Variants in HECW1 observed in about 807,000 individuals in gnomAD.
HECW1 encodes HECT, C2 and WW domain containing E3 ubiquitin protein ligase 1.
HECW1 carries 61 observed loss-of-function variants against 182.3 expected under a neutral mutation model. That is an observed-to-expected ratio of 0.33 (90% confidence interval 0.27 to 0.41). The LOEUF (loss-of-function observed/expected upper bound fraction) is 0.41, where lower values mean the gene tolerates loss of function less well. Among genes scored for constraint, HECW1 ranks in the 10% least tolerant of loss-of-function variants. The pLI is 1.00. For synonymous variants in HECW1, 859 were observed against 832.6 expected, an observed-to-expected ratio of 1.03 and a Z score of -0.55; for missense variants, 1,739 against 2,108.9, an observed-to-expected ratio of 0.82 and a Z score of 3.44.
At chr7:43,479,186 T>A (rs565774165) in intron 16 of HECW1, among the ~76,000 whole-genome samples, 2 of 152,318 alleles carry the variant, frequency 1.3e-5, no homozygotes, top group South Asian at 4.2e-4. Context: ...TGATGTATAA[T>A]CAGTGGGAGC....
At chr7:43,321,417 C>T (rs775908733) in intron 5 of HECW1, among the ~76,000 whole-genome samples, 2 of 152,100 alleles carry the variant, frequency 1.3e-5, no homozygotes, top group Non-Finnish European at 2.9e-5. Flanking sequence ...GTGTATTTCT[C>T]ATTGCATGAG....
chr7:43,273,797 A>T (rs1454208497), intron 3 of HECW1, among the ~76,000 whole-genome samples: 1 of 152,210 alleles, frequency 6.6e-6, no homozygotes, highest in Non-Finnish European at 1.5e-5. Flanking sequence ...CATATTTACA[A>T]CAACGGTGGA....
chr7:43,535,121 C>T (rs992047848), intron 24 of HECW1, among the ~76,000 whole-genome samples: 7 of 152,236 alleles, frequency 4.6e-5, no homozygotes, highest in East Asian at 1.9e-4. Flanking sequence ...CTTGTGATAT[C>T]ATCCTCCACA....
chr7:43,139,075 G>T (rs73690258), intron 2 of HECW1, among the ~76,000 whole-genome samples: 7,186 of 152,150 alleles, frequency 0.047, 556 homozygotes, highest in African/African-American at 0.16. Context: ...ATTTTAATTG[G>T]TGTTCTTTTT....
intron 17 of HECW1, among the ~76,000 whole-genome samples, chr7:43,483,501 G>C (rs1458678467): frequency 6.6e-6 from 1 of 150,410 alleles, no homozygotes; most frequent in African/African-American, 2.4e-5. Context: ...CACATAGGGA[G>C]TTCAGGACCA....
intron 2 of HECW1, among the ~76,000 whole-genome samples, chr7:43,151,598 G>A (rs1789332246): frequency 6.6e-6 from 1 of 152,218 alleles, no homozygotes; most frequent in Admixed American, 6.5e-5. Context: ...AATTTAAAAT[G>A]TGATTGCTGA....
chr7:43,189,341 C>T (rs904177563), intron 2 of HECW1, among the ~76,000 whole-genome samples: 1 of 151,962 alleles, frequency 6.6e-6, no homozygotes, highest in Non-Finnish European at 1.5e-5. Flanking sequence ...CCTGAGACTT[C>T]GCATTTCTAA....
At chr7:43,326,541 C>T (rs1413368908) in intron 5 of HECW1, among the ~76,000 whole-genome samples, 1 of 152,240 alleles carries the variant, frequency 6.6e-6, no homozygotes, top group Non-Finnish European at 1.5e-5. Context: ...AGGAGAAGTG[C>T]CCAGCCATGT....
intron 2 of HECW1, chr7:43,207,735 T>C (rs2152693146): frequency 6.6e-6 from 1 of 152,346 alleles, no homozygotes; most frequent in East Asian, 1.9e-4. Flanking sequence ...GGTGCCTAAC[T>C]TTCTATTCCT....
At chr7:43,258,325 AG>A (rs1800803014) in intron 3 of HECW1, among the ~76,000 whole-genome samples, 1 of 152,034 alleles carries the variant, frequency 6.6e-6, no homozygotes, top group East Asian at 1.9e-4. Context: ...CCTGGGCAAA[AG>A]AGTGAGACTC....
At chr7:43,141,768 G>C (rs1788182442) in intron 2 of HECW1, among the ~76,000 whole-genome samples, 1 of 152,188 alleles carries the variant, frequency 6.6e-6, no homozygotes, top group African/African-American at 2.4e-5. Context: ...AAAGTGCTGA[G>C]ATTACAGGTG....
chr7:43,532,749 T>TC (rs2081042595), intron 24 of HECW1, among the ~76,000 whole-genome samples: 1 of 152,100 alleles, frequency 6.6e-6, no homozygotes, highest in African/African-American at 2.4e-5. Context: ...GGAATTATTC[T>TC]CCCCCATCAT....
chr7:43,186,309 C>G (rs953517984), intron 2 of HECW1, among the ~76,000 whole-genome samples: 1 of 152,158 alleles, frequency 6.6e-6, no homozygotes, highest in Non-Finnish European at 1.5e-5. Context: ...CTAGTACACA[C>G]CTACACCACA....
At chr7:43,328,721 G>A (rs935961763) in intron 5 of HECW1, among the ~76,000 whole-genome samples, 4 of 152,142 alleles carry the variant, frequency 2.6e-5, no homozygotes, top group Non-Finnish European at 5.9e-5. Context: ...AGATATAACC[G>A]GAACATTCCA....
intron 9 of HECW1, chr7:43,438,960 G>A (rs190950032): frequency 2.5e-4 from 38 of 152,288 alleles, no homozygotes; most frequent in African/African-American, 8.2e-4. Context: ...AAGGACTTTG[G>A]AATCACGGAT....
chr7:43,170,583 T>G (rs1469632304), intron 2 of HECW1, among the ~76,000 whole-genome samples: 2 of 152,278 alleles, frequency 1.3e-5, no homozygotes, highest in East Asian at 3.9e-4. Flanking sequence ...ACACTCTCAC[T>G]GGCAGAGGTC....
At chr7:43,168,115 C>T (rs375128655) in intron 2 of HECW1, among the ~76,000 whole-genome samples, 6 of 152,128 alleles carry the variant, frequency 3.9e-5, no homozygotes, top group African/African-American at 9.7e-5. Flanking sequence ...GATTTGTGTA[C>T]GTGTCGTGAG....
At chr7:43,482,553 G>A (rs748003687) in intron 17 of HECW1, among the ~76,000 whole-genome samples, 12 of 152,172 alleles carry the variant, frequency 7.9e-5, no homozygotes, top group Non-Finnish European at 1.8e-4. Context: ...AGTGGCAAGA[G>A]AGATGTTAGG....
intron 3 of HECW1, chr7:43,274,726 T>A (rs1472412778): frequency 4.0e-6 from 1 of 252,902 alleles, no homozygotes; most frequent in East Asian, 1.2e-4. Context: ...CTCCATTTAT[T>A]GTTTTTATTT....
Sources: gnomAD v4.1 joint callset for allele counts (sites outside exome capture counted in the v4.1 genomes callset) on GRCh38, gnomAD v4.1.1 for gene constraint, MANE v1.5 for transcripts, NCBI Gene and HGNC (gene_info 2026-07-23, HGNC 2026-07-21) for gene names.